Variants in STK32C observed in about 807,000 individuals in gnomAD.
STK32C encodes serine/threonine kinase 32C, also known as serine/threonine-protein kinase 32C.
In STK32C, 31 loss-of-function variants were observed where a neutral mutation model predicts 56.5. That is an observed-to-expected ratio of 0.55 (90% CI 0.41 to 0.74). The LOEUF is 0.74. Ranked by LOEUF, STK32C falls within the 30% of genes least tolerant of loss-of-function variation. The probability of loss-of-function intolerance (pLI) is 0.00; values close to 1 mark genes in which losing one functional copy is unlikely to be tolerated. For missense variants in STK32C, 544 were observed against 676.9 expected, an observed-to-expected ratio of 0.80 and a Z score of 2.18; for synonymous variants, 309 against 289.4, an observed-to-expected ratio of 1.07 and a Z score of -0.69.
At position 132,326,493 on chromosome 10, in the gene STK32C, T is replaced by A. The variant is rs183871412; in HGVS notation, c.302-2120A>T. Among the ~76,000 whole-genome samples, 387 of 152,256 alleles carry A rather than the reference T, an allele frequency of 2.5e-3. 3 individuals are homozygous for A. The highest frequency in any genetic ancestry group is 8.6e-3 in the African/African-American group (358 of 41,566). On this transcript the variant is annotated intron_variant, in intron 1 of 1. Transcript: ENST00000368619. ...ATTATGGGTGCACGCCTGGCTAATTTTTGTATTATTAGTAGTGATGGGGTT... is the reference window on the plus strand; with the variant it reads ...ATTATGGGTGCACGCCTGGCTAATTATTGTATTATTAGTAGTGATGGGGTT...
chr10:132,307,593 C>G lies in STK32C; in HGVS notation c.241G>C (p.Val81Leu). 6.4e-7 allele frequency: 1 copy of G among 1,557,870 alleles called. No homozygotes were observed. The highest frequency in any genetic ancestry group is 8.7e-7 in the Non-Finnish European group (1 of 1,154,888). ...SMSAATARRP[V>L]FDDKEDVNFD... ...TCACCGTCCTCCTTGTCGTCAAACA[C>G]CGGCCTCCGCGCGGTGGCCGCCGAC... The change falls in exon 1 of 12, where the codon GTG becomes CTG. Residue 81 changes from valine (V) to leucine (L), a missense_variant. Coordinates refer to ENST00000298630, the MANE Select transcript of STK32C (RefSeq NM_173575.4). The surrounding 1 kb of genome is among the most constrained non-coding windows in gnomAD (Gnocchi z 4.4).
chr10:132,318,469 G>A (rs1014169777), intron 1 of STK32C, among the ~76,000 whole-genome samples: 1 of 151,554 alleles, frequency 6.6e-6, no homozygotes, highest in Admixed American at 6.6e-5. Flanking sequence ...ACAAAAATTA[G>A]CCAGGCATGG....
chr10:132,294,829 CG>C (rs2065687119), intron 1 of STK32C, among the ~76,000 whole-genome samples: 1 of 152,152 alleles, frequency 6.6e-6, no homozygotes, highest in South Asian at 2.1e-4. Context: ...TCCCCTTCCC[CG>C]GAAGTCCTGA....
chr10:132,226,506 G>A (rs1284277090), intron 4 of STK32C, among the ~76,000 whole-genome samples: 1 of 152,214 alleles, frequency 6.6e-6, no homozygotes, highest in Non-Finnish European at 1.5e-5. Flanking sequence ...AAGGCCACCT[G>A]CTGTGACCCA....
intron 1 of STK32C, among the ~76,000 whole-genome samples, chr10:132,287,470 C>T (rs530772846): frequency 2.7e-5 from 4 of 147,356 alleles, no homozygotes; most frequent in Non-Finnish European, 6.0e-5. Context: ...CCAGCCTGGG[C>T]GACAGAGCGA....
At chr10:132,265,509 G>A in intron 1 of STK32C, among the ~76,000 whole-genome samples, 1 of 152,168 alleles carries the variant, frequency 6.6e-6, no homozygotes, top group East Asian at 1.9e-4. Context: ...CTGCCTGGGT[G>A]TGAGGAGAGG....
Position 132,215,970 on chromosome 10 carries a change from CAA to C in STK32C, c.1251+6669_1251+6670del, listed in dbSNP as rs1257650330. Among the ~76,000 whole-genome samples the C allele has an allele frequency of 2.6e-5, 4 of 152,276 alleles. 1 individual carries two copies. ...AAGGTGGCTCTTGTTATGCTTTAAG[CAA>C]AGAGACTGGCAGCATTTTGCCCCTG... On this transcript the variant is annotated intron_variant, in intron 10 of 11. Transcript: ENST00000298630.
intron 1 of STK32C, among the ~76,000 whole-genome samples, chr10:132,288,262 G>A (rs934430750): frequency 2.6e-5 from 4 of 152,122 alleles, no homozygotes; most frequent in Non-Finnish European, 4.4e-5. Flanking sequence ...AGAAAACACA[G>A]GAAAAAATCC....
At chr10:132,294,109 C>A (rs1447085950) in intron 1 of STK32C, among the ~76,000 whole-genome samples, 3 of 152,190 alleles carry the variant, frequency 2.0e-5, no homozygotes, top group Non-Finnish European at 2.9e-5. Context: ...CAGGTCCCAG[C>A]TGGAGACAGG....
At chr10:132,210,278 T>C (rs2062250599) in intron 10 of STK32C, among the ~76,000 whole-genome samples, 1 of 152,124 alleles carries the variant, frequency 6.6e-6, no homozygotes, top group South Asian at 2.1e-4. Context: ...TGGATCCTAT[T>C]TTTGGTCTCG....
At chr10:132,313,900 C>A (rs2138435482) in intron 1 of STK32C, among the ~76,000 whole-genome samples, 1 of 152,276 alleles carries the variant, frequency 6.6e-6, no homozygotes, top group African/African-American at 2.4e-5. Context: ...TGTTTAAGAC[C>A]CATGCAGTGA....
At chr10:132,229,784 T>C (rs2063027872) in intron 2 of STK32C, among the ~76,000 whole-genome samples, 3 of 152,262 alleles carry the variant, frequency 2.0e-5, no homozygotes, top group Admixed American at 2.0e-4. Flanking sequence ...GGAGTCACAC[T>C]GTGCACAGAG....
At chr10:132,251,092 G>A (rs2063887946) in intron 1 of STK32C, among the ~76,000 whole-genome samples, 1 of 152,172 alleles carries the variant, frequency 6.6e-6, no homozygotes, top group Non-Finnish European at 1.5e-5. Context: ...TGAGCCCCAG[G>A]CCCCACACAT....
chr10:132,243,152 C>T (rs1331502674), intron 2 of STK32C, among the ~76,000 whole-genome samples: 1 of 152,240 alleles, frequency 6.6e-6, no homozygotes, highest in East Asian at 1.9e-4. Flanking sequence ...CACCCACCAG[C>T]TCACAGGAGG....
intron 2 of STK32C, among the ~76,000 whole-genome samples, chr10:132,231,377 C>A (rs535976910): frequency 6.6e-6 from 1 of 152,222 alleles, no homozygotes; most frequent in Non-Finnish European, 1.5e-5. Flanking sequence ...CAAGGGGAGG[C>A]AGGGTTACAC....
At chr10:132,264,460 G>C (rs1399530946) in intron 1 of STK32C, among the ~76,000 whole-genome samples, 4 of 152,140 alleles carry the variant, frequency 2.6e-5, no homozygotes, top group African/African-American at 9.7e-5. Context: ...TGGGGACCTT[G>C]AGGAAGAAAG....
In STK32C at chr10:132,297,599, T is replaced by C. The variant is rs147904492; in HGVS notation, c.262+9973A>G. ...TGTGCTAACTTTACAGATTATCTTT[T>C]CTGCCTTTGGAGATAAAACATCACT... On this transcript the variant is annotated intron_variant, in intron 1 of 11. Transcript: ENST00000298630. 4.0e-3 allele frequency among the ~76,000 whole-genome samples: 616 copies of C among 152,356 alleles called. 5 individuals are homozygous for C. The highest frequency in any genetic ancestry group is 0.014 in the African/African-American group (593 of 41,582).
chr10:132,331,857 T>A, upstream of STK32C: 1 of 1,412,158 alleles, frequency 7.1e-7, no homozygotes, highest in African/African-American at 1.4e-5. Context: ...GATGCTACCG[T>A]TGGCCGCGTG....
In STK32C at chr10:132,258,624, G is replaced by A. The variant is rs367707966; in HGVS notation, c.263-12669C>T. On this transcript the variant is annotated intron_variant, in intron 1 of 11. Coordinates refer to ENST00000298630, the MANE Select transcript of STK32C (RefSeq NM_173575.4). The stretch of plus-strand genomic sequence containing the variant: ...CCAGCCCACCGAACAGGAACAGGGC[G>A]GCGGGCTCACAGCCGGTCCTCTGGG... Among the ~76,000 whole-genome samples, 263 of 152,364 alleles carry A rather than the reference G, an allele frequency of 1.7e-3. 1 individual carries two copies. The highest frequency in any genetic ancestry group is 8.5e-3 in the South Asian group (41 of 4,830).
Sources: allele counts gnomAD v4.1 joint callset (sites outside exome capture counted in the v4.1 genomes callset), GRCh38; gene constraint gnomAD v4.1.1; non-coding constraint Gnocchi (gnomAD v3.1); transcripts MANE v1.5; gene names NCBI Gene and HGNC (gene_info 2026-07-23, HGNC 2026-07-21).